The following GLDC variants were observed in gnomAD, a reference collection of about 807,000 sequenced individuals.
GLDC encodes the protein glycine dehydrogenase (decarboxylating), mitochondrial.
In GLDC, 104 loss-of-function variants were observed where a neutral mutation model predicts 121.3. The ratio of observed to expected loss-of-function variants is 0.86; its 90% confidence interval spans 0.73 to 1.01. The LOEUF is 1.01. GLDC is among the 50% of genes least tolerant of loss of function. The pLI is 0.00. For synonymous variants in GLDC, 546 were observed against 480.6 expected, an observed-to-expected ratio of 1.14 and a Z score of -1.78; for missense variants, 1,429 against 1,306.6, an observed-to-expected ratio of 1.09 and a Z score of -1.44.
intron 7 of GLDC, 119 bp from the exon 8 acceptor site, chr9:6,602,324 C>A (rs1818632048): frequency 4.3e-6 from 3 of 704,648 alleles, no homozygotes; most frequent in South Asian, 2.9e-5. Flanking sequence ...CACTTGGGTG[C>A]AAATTTATAA....
chr9:6,578,414 G>C (rs1587939955), intron 15 of GLDC, among the ~76,000 whole-genome samples: 1 of 152,122 alleles, frequency 6.6e-6, no homozygotes, highest in East Asian at 1.9e-4. Context: ...ATGGCACCCA[G>C]CTCTTTCTTC....
chr9:6,571,819 A>C (rs1462492262), intron 15 of GLDC, among the ~76,000 whole-genome samples: 1 of 152,230 alleles, frequency 6.6e-6, no homozygotes, highest in East Asian at 1.9e-4. Context: ...TATCATATAT[A>C]GCTACAATAA....
At chr9:6,576,622 A>G (rs1379087438) in intron 15 of GLDC, among the ~76,000 whole-genome samples, 1 of 151,946 alleles carries the variant, frequency 6.6e-6, no homozygotes, top group African/African-American at 2.4e-5. Context: ...CCCTGCCACC[A>G]CACCTGGCTA....
chr9:6,584,901 A>G (rs1222223858), intron 15 of GLDC: 3 of 152,352 alleles, frequency 2.0e-5, no homozygotes, highest in African/African-American at 7.2e-5. Flanking sequence ...CTCACTGTCC[A>G]TCATATGAAT....
intron 15 of GLDC, among the ~76,000 whole-genome samples, chr9:6,575,133 G>C (rs1818038393): frequency 6.6e-6 from 1 of 151,286 alleles, no homozygotes; most frequent in Non-Finnish European, 1.5e-5. Context: ...TTGAATTCGG[G>C]AGTCAGAGAT....
At chr9:6,560,636 G>C (rs1817735670) in intron 16 of GLDC, among the ~76,000 whole-genome samples, 1 of 152,204 alleles carries the variant, frequency 6.6e-6, no homozygotes, top group South Asian at 2.1e-4. Flanking sequence ...AAAGGGGAAT[G>C]TTAAAAATAA....
Position 6,644,671 on chromosome 9 carries a change from T to G in GLDC, c.277A>C (p.Lys93Gln). 1 of 1,613,064 alleles carries G rather than the reference T, an allele frequency of 6.2e-7. No homozygotes were observed. Among genetic ancestry groups the G allele is most frequent in the Middle Eastern group, 1.7e-4 (1 of 6,056 alleles). Residue 93 changes from lysine (K) to glutamine (Q), a missense_variant, in exon 2 of 25, where the codon AAG (lysine) becomes CAG (glutamine). By Grantham distance (53) the Lys-to-Gln change is moderately conservative (BLOSUM62 1). Coordinates refer to ENST00000321612, the MANE Select transcript of GLDC (RefSeq NM_000170.3). Reference protein sequence around the residue: ...GLASIDELIEKTVPANIRLKR... With the variant: ...GLASIDELIEQTVPANIRLKR... The stretch of plus-strand genomic sequence containing the variant: ...AAACGGATGTTGGCAGGGACCGTCT[T>G]CTCGATCAATTCATCAATGCTCTAA...
chr9:6,617,547 C>T (rs1275303988), intron 3 of GLDC, among the ~76,000 whole-genome samples: 2 of 152,100 alleles, frequency 1.3e-5, no homozygotes, highest in Non-Finnish European at 2.9e-5. Context: ...TTACCAATAC[C>T]ACAATGAAAA....
intron 7 of GLDC, among the ~76,000 whole-genome samples, chr9:6,602,821 T>C (rs7030760): frequency 0.19 from 28,538 of 152,120 alleles, 3,351 homozygotes; most frequent in Non-Finnish European, 0.26. Flanking sequence ...AGTGGAAATA[T>C]ACGACAAAAT....
chr9:6,618,933 G>C (rs376687550), intron 3 of GLDC, among the ~76,000 whole-genome samples: 3 of 151,888 alleles, frequency 2.0e-5, no homozygotes, highest in East Asian at 3.9e-4. Context: ...CATGAGGTCA[G>C]GAGTTCAAGA....
chr9:6,536,055 C>G lies in GLDC; in HGVS notation c.2838+9G>C. 1.2e-6 allele frequency: 2 copies of G among 1,609,814 alleles called. No individual in the cohort carries two copies. The highest frequency in any genetic ancestry group is 1.7e-6 in the Non-Finnish European group (2 of 1,176,908). On this transcript the variant is annotated intron_variant, in intron 23 of 24. Transcript: ENST00000321612. ...GAACATTTCAAGCAATGTTCCAGGG[C>G]CTACGCACCTTCAGCGGATTGACCC...
At chr9:6,603,736 CTTT>C (rs1215996748) in intron 7 of GLDC, among the ~76,000 whole-genome samples, 1 of 124,994 alleles carries the variant, frequency 8.0e-6, no homozygotes. Context: ...CCTTTTTTTT[CTTT>C]TTTTTTTTTG....
At chr9:6,597,213 G>C (rs916099712) in intron 8 of GLDC, among the ~76,000 whole-genome samples, 1 of 152,198 alleles carries the variant, frequency 6.6e-6, no homozygotes, top group East Asian at 1.9e-4. Flanking sequence ...AGGGGCTATA[G>C]GAAGGGGAGA....
At chr9:6,633,171 C>T (rs994771558) in intron 2 of GLDC, among the ~76,000 whole-genome samples, 1 of 152,136 alleles carries the variant, frequency 6.6e-6, no homozygotes, top group Non-Finnish European at 1.5e-5. Flanking sequence ...CCCTCTTCTG[C>T]CTAAGAAAGG....
intron 15 of GLDC, among the ~76,000 whole-genome samples, chr9:6,574,060 TAA>T (rs1433889413): frequency 6.6e-6 from 1 of 152,190 alleles, no homozygotes; most frequent in Admixed American, 6.5e-5. Flanking sequence ...CAATTTGACA[TAA>T]GTTTAGTTCC....
At chr9:6,612,719 G>C (rs1386352806) in intron 3 of GLDC, among the ~76,000 whole-genome samples, 2 of 152,152 alleles carry the variant, frequency 1.3e-5, no homozygotes, top group African/African-American at 2.4e-5. Flanking sequence ...AAAATTAGCT[G>C]GGTGTGGTGG....
intron 15 of GLDC, chr9:6,569,426 G>C (rs1563841346): frequency 6.6e-6 from 1 of 151,766 alleles, no homozygotes; most frequent in Non-Finnish European, 1.5e-5. Flanking sequence ...GGCCGAGGTG[G>C]GTGGATCACA....
At chr9:6,635,307 G>A (rs544028355) in intron 2 of GLDC, among the ~76,000 whole-genome samples, 2 of 152,286 alleles carry the variant, frequency 1.3e-5, no homozygotes, top group South Asian at 2.1e-4. Flanking sequence ...TGTAGAAGGA[G>A]ATTTGGCAAT....
At chr9:6,549,106 G>C (rs1429646942) in intron 21 of GLDC, among the ~76,000 whole-genome samples, 4 of 152,110 alleles carry the variant, frequency 2.6e-5, no homozygotes, top group Admixed American at 6.5e-5. Flanking sequence ...TTCCTTTTAA[G>C]ACTCATAATT....
Sources: allele counts gnomAD v4.1 joint callset (sites outside exome capture counted in the v4.1 genomes callset), GRCh38; gene constraint gnomAD v4.1.1; transcripts MANE v1.5; gene names NCBI Gene and HGNC (gene_info 2026-07-23, HGNC 2026-07-21).